The following ADGRG6 variants were observed in gnomAD, a reference collection of about 807,000 sequenced individuals.
ADGRG6 encodes G-protein coupled receptor 126.
Under a neutral mutation model 142.4 loss-of-function variants are expected in ADGRG6, and 84 were observed. The ratio of observed to expected loss-of-function variants is 0.59; its 90% CI spans 0.49 to 0.71. The LOEUF is 0.71. Ranked by LOEUF, ADGRG6 falls within the 30% of genes least tolerant of loss-of-function variation. The pLI is 0.00. For missense variants in ADGRG6, 1,367 were observed against 1,466.6 expected, an observed-to-expected ratio of 0.93 and a Z score of 1.11; for synonymous variants, 521 against 520.5, an observed-to-expected ratio of 1.00 and a Z score of -0.01.
chr6:142,441,076 A>G, intron 24 of ADGRG6: 1 of 560,500 alleles, frequency 1.8e-6, no homozygotes, highest in South Asian at 2.5e-5. Flanking sequence ...CAGCTAGCAC[A>G]ATGACATTCC....
At chr6:142,386,021 A>T (rs924253378) in intron 6 of ADGRG6, among the ~76,000 whole-genome samples, 2 of 152,198 alleles carry the variant, frequency 1.3e-5, no homozygotes, top group Admixed American at 6.5e-5. Context: ...GGCTATCAGA[A>T]TTTTACTGAA....
Position 142,437,522 on chromosome 6 carries a change from A to T in ADGRG6, c.3408A>T (p.Leu1136Phe). The T allele has an allele frequency of 3.4e-6, 5 of 1,483,564 alleles. No homozygotes were observed. Among genetic ancestry groups the T allele is most frequent in the Non-Finnish European group, 4.7e-6 (5 of 1,060,730 alleles). The allele number at this position is 1,483,564 out of a possible 1,614,324, so 91.9% of individuals were successfully genotyped here. A position where few individuals can be genotyped will look rare whatever the true frequency, so the allele number is the denominator to read the frequency against. ...ATCTCTGCTGTGGTAGATTTCGGTTAGCAGATAACTCAGGTAAAGAGTTGT... is the reference window on the plus strand; with the variant it reads ...ATCTCTGCTGTGGTAGATTTCGGTTTGCAGATAACTCAGGTAAAGAGTTGT... Reference protein sequence around the residue: ...RQHLCCGRFRLADNSDWSKTA... With the variant: ...RQHLCCGRFRFADNSDWSKTA... The change falls in exon 23 of 25, where the codon TTA becomes TTT. Residue 1136 changes from leucine to phenylalanine, a missense_variant. Leu to Phe is a conservative substitution (Grantham distance 22). Around this residue, in one of 3 missense-constraint regions of ADGRG6, gnomAD observed 344 missense variants for 348.7 expected, o/e 0.99. Transcript: ENST00000367609.
At position 142,418,938 on chromosome 6, in the gene ADGRG6, C is replaced by A. The variant is rs1298705647; in HGVS notation, c.3036-883C>A. Among the ~76,000 whole-genome samples the A allele has an allele frequency of 2.6e-5, 4 of 152,030 alleles. No homozygotes were observed. In the South Asian group the frequency reaches 8.3e-4, roughly 32 times the overall value. On this transcript the variant is annotated intron_variant, in intron 21 of 24. Transcript: ENST00000367609. ...TGCATATAGTACAGTTTTAAAATTTCTTTAATCTACTATCCAATATATATA... is the reference window on the plus strand; with the variant it reads ...TGCATATAGTACAGTTTTAAAATTTATTTAATCTACTATCCAATATATATA...
chr6:142,356,127 A>G (rs561478374), intron 2 of ADGRG6, among the ~76,000 whole-genome samples: 2 of 152,318 alleles, frequency 1.3e-5, no homozygotes, highest in South Asian at 4.1e-4. Flanking sequence ...CCGAAATTCA[A>G]CCTTGCTTTT....
chr6:142,396,685 A>C (rs1342849675), intron 9 of ADGRG6, among the ~76,000 whole-genome samples: 1 of 152,182 alleles, frequency 6.6e-6, no homozygotes, highest in Non-Finnish European at 1.5e-5. Context: ...ATAACGTCTT[A>C]TCTTATTCAT....
intron 4 of ADGRG6, 38 bp downstream of exon 4, chr6:142,370,831 A>G (rs1419013055): frequency 3.3e-6 from 4 of 1,211,910 alleles, no homozygotes; most frequent in Non-Finnish European, 4.7e-6. Context: ...TTTTTTTTTT[A>G]GCATTATTCT....
chr6:142,367,518 A>C, intron 2 of ADGRG6, 51 bp from the exon 3 acceptor site: 1 of 1,335,910 alleles, frequency 7.5e-7, no homozygotes, highest in South Asian at 1.3e-5. Flanking sequence ...GGTTTATTGC[A>C]TGCATCTGAA....
chr6:142,368,183 C>T (rs1781046566), intron 3 of ADGRG6, among the ~76,000 whole-genome samples: 1 of 152,164 alleles, frequency 6.6e-6, no homozygotes, highest in Admixed American at 6.5e-5. Context: ...TGTAGATATT[C>T]CACGGCTAAT....
intron 2 of ADGRG6, among the ~76,000 whole-genome samples, chr6:142,361,821 T>A (rs1206005298): frequency 2.6e-5 from 4 of 150,962 alleles, no homozygotes; most frequent in Admixed American, 2.0e-4. Context: ...TTTTTTTTTT[T>A]AAAGCTGGAA....
At chr6:142,408,297 G>T in intron 16 of ADGRG6, 28 bp downstream of exon 16, 1 of 1,513,102 alleles carries the variant, frequency 6.6e-7, no homozygotes, top group Non-Finnish European at 8.9e-7. Flanking sequence ...ATAGCATTTG[G>T]ACAGAAGTGG....
chr6:142,443,223 A>G lies in ADGRG6; in HGVS notation c.3575-114A>G, dbSNP rs1414706194. 1.1e-5 allele frequency: 7 copies of G among 618,704 alleles called. No homozygotes were observed. In the East Asian group the frequency reaches 1.9e-4, roughly 17 times the overall value. 38.3% of individuals were successfully genotyped at this position (618,704 alleles called of 1,614,324 possible). ...ATTACCTAATATAAGAAAGAATCGG[A>G]GCTTTATTTTCTTTTGTTCTTCTTT... On this transcript the variant is annotated intron_variant, in intron 24 of 24. Coordinates refer to ENST00000367609, the MANE Select transcript of ADGRG6 (RefSeq NM_198569.3).
chr6:142,435,318 T>C (rs1471404226), intron 22 of ADGRG6, among the ~76,000 whole-genome samples: 1 of 152,156 alleles, frequency 6.6e-6, no homozygotes, highest in African/African-American at 2.4e-5. Context: ...ACTTCCCTAC[T>C]GAACTTAAGG....
intron 2 of ADGRG6, among the ~76,000 whole-genome samples, chr6:142,364,753 T>C (rs1224063891): frequency 1.3e-5 from 2 of 152,134 alleles, no homozygotes; most frequent in Non-Finnish European, 2.9e-5. Context: ...CTCAGGCCAG[T>C]AATTTCAGTA....
chr6:142,392,006 A>G (rs1019520698), intron 7 of ADGRG6, among the ~76,000 whole-genome samples: 14 of 151,966 alleles, frequency 9.2e-5, no homozygotes, highest in Non-Finnish European at 1.6e-4. Context: ...GCTAAACTTT[A>G]CTAGACATTT....
intron 4 of ADGRG6, among the ~76,000 whole-genome samples, chr6:142,380,266 T>A (rs1415020044): frequency 6.6e-6 from 1 of 152,116 alleles, no homozygotes; most frequent in African/African-American, 2.4e-5. Context: ...TAATGAGGCA[T>A]GTCCAACCCT....
At chr6:142,350,783 A>G (rs2114771861) in intron 2 of ADGRG6, among the ~76,000 whole-genome samples, 1 of 152,342 alleles carries the variant, frequency 6.6e-6, no homozygotes, top group South Asian at 2.1e-4. Flanking sequence ...TTAAAAAACA[A>G]TTATCTCTTA....
chr6:142,341,389 T>TA (rs571830704), intron 2 of ADGRG6, among the ~76,000 whole-genome samples: 1 of 124,670 alleles, frequency 8.0e-6, no homozygotes, highest in Admixed American at 1.0e-4. Context: ...ATATACTATA[T>TA]ATTATATTAT....
chr6:142,432,332 G>A (rs1777253461), intron 22 of ADGRG6, among the ~76,000 whole-genome samples: 2 of 152,104 alleles, frequency 1.3e-5, no homozygotes, highest in Admixed American at 1.3e-4. Context: ...ATGGGAAAAG[G>A]GCTAGTGACT....
At chr6:142,363,725 C>T (rs950614107) in intron 2 of ADGRG6, among the ~76,000 whole-genome samples, 2 of 152,078 alleles carry the variant, frequency 1.3e-5, no homozygotes, top group African/African-American at 4.8e-5. Flanking sequence ...ATTAGGTAGC[C>T]CTGACTCTTA....
Sources: allele counts gnomAD v4.1 joint callset (sites outside exome capture counted in the v4.1 genomes callset), GRCh38; gene constraint gnomAD v4.1.1; regional missense constraint gnomAD v4.1.1; transcripts MANE v1.5; gene names NCBI Gene and HGNC (gene_info 2026-07-23, HGNC 2026-07-21).